Variants in CATSPERB observed in about 807,000 individuals in gnomAD.
CATSPERB encodes catsper channel auxiliary subunit beta, also known as cation channel sperm-associated auxiliary subunit beta.
A neutral mutation model predicts 128.3 loss-of-function variants in CATSPERB; 93 were observed. The observed-to-expected ratio is 0.72, with a 90% CI of 0.61 to 0.86. The LOEUF (loss-of-function observed/expected upper bound fraction) is 0.86, where lower values mean the gene tolerates loss of function less well. Ranked by LOEUF, CATSPERB falls within the 40% of genes least tolerant of loss-of-function variation. CATSPERB has a pLI of 0.00. For missense variants in CATSPERB, 1,153 were observed against 1,329.5 expected, an observed-to-expected ratio of 0.87 and a Z score of 2.06; for synonymous variants, 381 against 448.8, an observed-to-expected ratio of 0.85 and a Z score of 1.91.
intron 22 of CATSPERB, chr14:91,603,215 A>C: frequency 1.2e-6 from 1 of 840,358 alleles, no homozygotes; most frequent in Non-Finnish European, 2.1e-6. Flanking sequence ...TTTCAATAAA[A>C]TAGGGCATTC....
At chr14:91,706,622 G>A (rs1029993814) in intron 6 of CATSPERB, among the ~76,000 whole-genome samples, 16 of 152,154 alleles carry the variant, frequency 1.1e-4, no homozygotes, top group African/African-American at 2.7e-4. Context: ...GATTGGATAT[G>A]AAGAAATAGA....
At chr14:91,629,154 G>A (rs1894224150) in intron 17 of CATSPERB, among the ~76,000 whole-genome samples, 1 of 152,096 alleles carries the variant, frequency 6.6e-6, no homozygotes, top group South Asian at 2.1e-4. Flanking sequence ...TAAACTGCGG[G>A]ATACTCAGAT....
intron 5 of CATSPERB, among the ~76,000 whole-genome samples, chr14:91,718,628 A>C (rs1467193809): frequency 6.6e-6 from 1 of 152,216 alleles, no homozygotes; most frequent in African/African-American, 2.4e-5. Context: ...GCAACTTTAG[A>C]AAGCCTGTCT....
chr14:91,585,939 T>A (rs1000721406), intron 26 of CATSPERB, among the ~76,000 whole-genome samples: 12 of 152,230 alleles, frequency 7.9e-5, no homozygotes, highest in African/African-American at 2.4e-5. Flanking sequence ...ACTGGTTGAG[T>A]TCAGGTCACA....
intron 13 of CATSPERB, among the ~76,000 whole-genome samples, chr14:91,670,552 T>C (rs1404523710): frequency 2.6e-5 from 4 of 152,018 alleles, no homozygotes; most frequent in Admixed American, 2.6e-4. Context: ...CATGGTGGCA[T>C]GAACCTGTAG....
intron 15 of CATSPERB, among the ~76,000 whole-genome samples, chr14:91,650,476 AT>A (rs1290338104): frequency 1.3e-5 from 2 of 152,130 alleles, no homozygotes; most frequent in Non-Finnish European, 2.9e-5. Flanking sequence ...GGTGAAACTA[AT>A]TTTTTTGGAG....
rs1190623432 is a variant in CATSPERB at position 91,613,936 on chromosome 14, A to C, written c.2401-3259T>G. Among the ~76,000 whole-genome samples, 4 of 152,070 alleles carry C rather than the reference A, an allele frequency of 2.6e-5. 1 individual carries two copies. The East Asian group carries it at 7.7e-4, about 29-fold the overall frequency. On this transcript the variant is annotated intron_variant, in intron 20 of 26. Transcript: ENST00000256343. Reference sequence around the variant, plus strand: ...CACTTGAAACATGCTTGCAAGTAACACCCCCTCATGGTCCTTCATGAATAA... The same window carrying C: ...CACTTGAAACATGCTTGCAAGTAACCCCCCCTCATGGTCCTTCATGAATAA...
intron 15 of CATSPERB, among the ~76,000 whole-genome samples, chr14:91,657,099 T>A: frequency 6.6e-6 from 1 of 152,082 alleles, no homozygotes. Flanking sequence ...CCTTTGGACA[T>A]GATTTTCTGT....
At chr14:91,700,327 A>T (rs1895625877) in intron 7 of CATSPERB, among the ~76,000 whole-genome samples, 2 of 151,830 alleles carry the variant, frequency 1.3e-5, no homozygotes, top group South Asian at 2.1e-4. Flanking sequence ...TTTGTCAAGA[A>T]TTTTTCTGTC....
chr14:91,705,003 G>A (rs1895712371), intron 6 of CATSPERB, among the ~76,000 whole-genome samples: 1 of 152,134 alleles, frequency 6.6e-6, no homozygotes, highest in African/African-American at 2.4e-5. Flanking sequence ...TCTATCCCTA[G>A]AAATGGAATT....
chr14:91,590,841 C>T (rs1185178384), intron 23 of CATSPERB, among the ~76,000 whole-genome samples: 1 of 151,450 alleles, frequency 6.6e-6, no homozygotes, highest in Non-Finnish European at 1.5e-5. Flanking sequence ...TTAGTAGAGA[C>T]AGGGTTTCAC....
rs913954671 is a variant in CATSPERB, at chr14:91,617,864, T to TA, written c.2261-129dup. 4 of 656,976 alleles carry TA rather than the reference T, an allele frequency of 6.1e-6. No homozygotes were observed. The African/African-American group carries it at 7.6e-5, about 12-fold the overall frequency. The allele number at this position is 656,976 out of a possible 1,614,324, so 40.7% of individuals were successfully genotyped here. ...CTGAAGGTTGCACAATGACTGCACA[T>TA]ACAGTTAGCAATTTATATAGAGTCA... is the stretch of plus-strand genomic sequence containing the variant. On this transcript the variant is annotated intron_variant, in intron 19 of 26. Coordinates refer to ENST00000256343, the MANE Select transcript of CATSPERB (RefSeq NM_024764.4).
intron 22 of CATSPERB, chr14:91,604,946 A>G: frequency 2.5e-6 from 3 of 1,186,126 alleles, no homozygotes; most frequent in Admixed American, 3.4e-5. Context: ...AAGTTCTTGC[A>G]TCTGCTGGAG....
At chr14:91,695,874 C>T (rs575423585) in intron 7 of CATSPERB, among the ~76,000 whole-genome samples, 1 of 152,134 alleles carries the variant, frequency 6.6e-6, no homozygotes, top group Non-Finnish European at 1.5e-5. Flanking sequence ...TGGCGATGGA[C>T]CCTGGAGACA....
intron 17 of CATSPERB, among the ~76,000 whole-genome samples, chr14:91,631,538 G>A (rs12434355): frequency 0.46 from 69,939 of 151,796 alleles, 17,054 homozygotes; most frequent in Non-Finnish European, 0.54. Context: ...GGTGGTGGGC[G>A]TCTGTAATCC....
At chr14:91,676,177 C>T (rs1208605557) in intron 11 of CATSPERB, among the ~76,000 whole-genome samples, 1 of 152,088 alleles carries the variant, frequency 6.6e-6, no homozygotes, top group Non-Finnish European at 1.5e-5. Context: ...ATGTTTGGCT[C>T]TCCTGACTGT....
At chr14:91,632,760 T>C (rs989312037) in intron 17 of CATSPERB, among the ~76,000 whole-genome samples, 1 of 151,964 alleles carries the variant, frequency 6.6e-6, no homozygotes, top group Non-Finnish European at 1.5e-5. Context: ...TAGGAAAGCA[T>C]TCAGAACACC....
At chr14:91,716,129 A>G (rs533350967) in intron 5 of CATSPERB, among the ~76,000 whole-genome samples, 1 of 152,352 alleles carries the variant, frequency 6.6e-6, no homozygotes, top group Admixed American at 6.5e-5. Context: ...TAAGAGATGA[A>G]AAGACAACCC....
At chr14:91,609,150 G>T (rs1016153692) in intron 21 of CATSPERB, among the ~76,000 whole-genome samples, 6 of 151,988 alleles carry the variant, frequency 3.9e-5, no homozygotes, top group African/African-American at 1.2e-4. Context: ...GAAATCCAGG[G>T]AAACTGCAGC....
Sources: allele counts gnomAD v4.1 joint callset (sites outside exome capture counted in the v4.1 genomes callset), GRCh38; gene constraint gnomAD v4.1.1; transcripts MANE v1.5; gene names NCBI Gene and HGNC (gene_info 2026-07-23, HGNC 2026-07-21).